Variants in ZNF229 observed in about 807,000 individuals in gnomAD.
ZNF229 encodes the protein zinc finger protein 229.
A neutral mutation model predicts 11.8 loss-of-function variants in ZNF229; 10 were observed. That is an observed-to-expected ratio of 0.85 (90% CI 0.52 to 1.44). ZNF229 has a LOEUF of 1.44. Among genes scored for constraint, ZNF229 ranks in the 40% most tolerant of loss-of-function variants. The pLI is 0.00. For missense variants in ZNF229, 1,045 were observed against 1,015.1 expected (o/e 1.03, Z -0.40); for synonymous variants, 368 against 374.8 (o/e 0.98, Z 0.21).
chr19:44,437,472 C>T (rs768006234), intron 4 of ZNF229, among the ~76,000 whole-genome samples: 12 of 152,024 alleles, frequency 7.9e-5, no homozygotes, highest in African/African-American at 1.7e-4. Flanking sequence ...AAGCAACAAA[C>T]GCTGGCAAGG....
rs762013989 is a variant in ZNF229 at position 44,428,622 on chromosome 19, C to T, written c.2159G>A (p.Gly720Asp). ...KPYTCCECGK[G>D]FRYGSGLLSH... ...AAGGAGACCTGAGCCATATCTGAAA[C>T]CCTTCCCACATTCACAACAAGTGTA... The change falls in exon 6 of 6, where the codon GGT (glycine) becomes GAT (aspartate). Residue 720 changes from glycine to aspartate, a missense_variant. Coordinates refer to ENST00000614049, the MANE Select transcript of ZNF229 (RefSeq NM_014518.4). The T allele has an allele frequency of 1.2e-6, 2 of 1,614,030 alleles. No individual in the cohort carries two copies. The highest frequency in any genetic ancestry group is 3.3e-5 in the Admixed American group (2 of 60,024).
intron 5 of ZNF229, 90 bp downstream of exon 5, chr19:44,432,132 C>G: frequency 6.7e-7 from 1 of 1,496,358 alleles, no homozygotes; most frequent in Non-Finnish European, 8.9e-7. Context: ...ACTAAGAGTT[C>G]TATAAAAATA....
At chr19:44,432,521 G>A (rs951535756) in intron 4 of ZNF229, among the ~76,000 whole-genome samples, 155 bp from the exon 5 acceptor site, 1 of 150,890 alleles carries the variant, frequency 6.6e-6, no homozygotes, top group African/African-American at 2.5e-5. Context: ...AAAAAATGAT[G>A]AGTTCATGTC....
intron 4 of ZNF229, among the ~76,000 whole-genome samples, chr19:44,439,098 CAGTGTCAGAATTGA>C (rs1205219319): frequency 1.3e-5 from 2 of 152,112 alleles, no homozygotes; most frequent in African/African-American, 4.8e-5. Context: ...TCCGGGCAGA[CAGTGTCAGAATTGA>C]ACCGAAGGGC....
intron 2 of ZNF229, among the ~76,000 whole-genome samples, chr19:44,444,491 C>A (rs759800874): frequency 2.1e-4 from 32 of 152,316 alleles, no homozygotes; most frequent in Admixed American, 1.6e-3. Context: ...AGGCAACACG[C>A]TACCCTCCTA....
intron 4 of ZNF229, among the ~76,000 whole-genome samples, chr19:44,435,543 C>T (rs1356851308): frequency 3.9e-5 from 6 of 151,912 alleles, no homozygotes; most frequent in South Asian, 2.1e-4. Flanking sequence ...AGAAGATCAG[C>T]GGAGACTCGG....
chr19:44,441,574 A>C (rs1048303922), intron 4 of ZNF229, among the ~76,000 whole-genome samples: 1 of 152,174 alleles, frequency 6.6e-6, no homozygotes, highest in African/African-American at 2.4e-5. Context: ...ATATCGCTTG[A>C]TAGCAGCTTA....
chr19:44,442,782 T>TGGCC, intron 3 of ZNF229, 32 bp downstream of exon 3: 2 of 1,545,188 alleles, frequency 1.3e-6, no homozygotes, highest in South Asian at 1.1e-5. Context: ...GTTTGGATTC[T>TGGCC]CCCCCCACCC....
chr19:44,440,968 G>A (rs1283677154), intron 4 of ZNF229, among the ~76,000 whole-genome samples: 2 of 151,896 alleles, frequency 1.3e-5, no homozygotes, highest in African/African-American at 2.4e-5. Context: ...CAAGTGATCC[G>A]CATGCCTCAG....
chr19:44,438,124 A>T (rs536513819), intron 4 of ZNF229, among the ~76,000 whole-genome samples: 1 of 152,338 alleles, frequency 6.6e-6, no homozygotes, highest in East Asian at 1.9e-4. Flanking sequence ...TAAAATTTTT[A>T]AAAAAGTAAA....
rs1386126219 is a variant in ZNF229, at chr19:44,426,978, C to G, written c.*1325G>C. 1 of 152,072 alleles carries G rather than the reference C, an allele frequency of 6.6e-6. No homozygotes were observed. The highest frequency in any genetic ancestry group is 1.9e-4 in the East Asian group (1 of 5,198). 9.4% of individuals were successfully genotyped at this position (152,072 alleles called of 1,614,324 possible). ...AGTTCCACATGGCTGGGGAGGCCTC[C>G]GAAAACTTAGTCATGGCAGAACGCA... On this transcript the variant is annotated 3_prime_UTR_variant, in exon 6 of 6. Transcript: ENST00000614049.
chr19:44,432,452 T>A, intron 4 of ZNF229, 86 bp from the exon 5 acceptor site: 1 of 1,559,314 alleles, frequency 6.4e-7, no homozygotes, highest in Admixed American at 2.2e-5. Context: ...ATAAAAAAAT[T>A]TAAAAATCTG....
chr19:44,432,691 G>A (rs1971746530), intron 4 of ZNF229, among the ~76,000 whole-genome samples: 1 of 151,806 alleles, frequency 6.6e-6, no homozygotes, highest in Non-Finnish European at 1.5e-5. Context: ...GGACTGTTGT[G>A]GGGTGGGGGG....
At chr19:44,440,474 G>A (rs1971889046) in intron 4 of ZNF229, among the ~76,000 whole-genome samples, 2 of 152,042 alleles carry the variant, frequency 1.3e-5, no homozygotes, top group African/African-American at 4.8e-5. Context: ...ATGCCCGAGA[G>A]AACAGAGCAA....
intron 4 of ZNF229, among the ~76,000 whole-genome samples, chr19:44,437,229 A>C (rs2123363664): frequency 6.6e-6 from 1 of 152,274 alleles, no homozygotes; most frequent in African/African-American, 2.4e-5. Flanking sequence ...AGAATGGATA[A>C]GGTCTTTTGA....
rs199508362 is a variant in ZNF229 at position 44,429,695 on chromosome 19, C to T, written c.1086G>A (p.Ser362=). The change falls in exon 6 of 6, where the codon TCG becomes TCA. Residue 362 remains serine, a synonymous_variant. Transcript: ENST00000614049. ...DVCGKGFRYK[S]VLLIHQGVHT... ...GCACCCCTTGATGAATAAGAAGAAC[C>T]GATTTATACCTGAACCCCTTTCCAC... The T allele has an allele frequency of 8.1e-5, 130 of 1,613,956 alleles. No individual in the cohort carries two copies. The highest frequency in any genetic ancestry group is 1.0e-4 in the Non-Finnish European group (119 of 1,180,028).
intron 5 of ZNF229, among the ~76,000 whole-genome samples, chr19:44,430,835 C>T (rs8101699): frequency 0.03 from 4,573 of 152,244 alleles, 86 homozygotes; most frequent in Middle Eastern, 0.065. Flanking sequence ...CTTAATAATG[C>T]TGTTATAACT....
Position 44,430,555 on chromosome 19 carries a change from A to G in ZNF229, c.239-13T>C, listed in dbSNP as rs1297279681. On this transcript the variant is annotated splice_polypyrimidine_tract_variant and intron_variant, in intron 5 of 5. Coordinates refer to ENST00000614049, the MANE Select transcript of ZNF229 (RefSeq NM_014518.4). The stretch of plus-strand genomic sequence containing the variant: ...CCATTCTTGTCTCCTATGAGGTTAA[A>G]GACAATTCAGAGATGAGAACTAGTA... 2 of 1,598,716 alleles carry G rather than the reference A, an allele frequency of 1.3e-6. No individual in the cohort carries two copies. The highest frequency in any genetic ancestry group is 4.5e-5 in the East Asian group (2 of 44,706).
chr19:44,429,824 T>C lies in ZNF229; in HGVS notation c.957A>G (p.Lys319=). 1.2e-6 allele frequency: 2 copies of C among 1,613,964 alleles called. No homozygotes were observed. The highest frequency in any genetic ancestry group is 8.5e-7 in the Non-Finnish European group (1 of 1,179,976). ...NRHQRVPTGE[K]SVKSLERGRG... is the part of the protein sequence containing the mutation. ...GACCACGCTCAAGACTCTTAACAGATTTCTCTCCTGTGGGAACTCTTTGAT... is the reference window on the plus strand; with the variant it reads ...GACCACGCTCAAGACTCTTAACAGACTTCTCTCCTGTGGGAACTCTTTGAT... The change falls in exon 6 of 6, where the codon AAA becomes AAG. Residue 319 remains lysine (K), a synonymous_variant. Transcript: ENST00000614049.
Sources: gnomAD v4.1 joint callset for allele counts (sites outside exome capture counted in the v4.1 genomes callset) on GRCh38, gnomAD v4.1.1 for gene constraint, MANE v1.5 for transcripts, NCBI Gene and HGNC (gene_info 2026-07-23, HGNC 2026-07-21) for gene names.